Variants in GPATCH8 observed in about 807,000 individuals in gnomAD.
GPATCH8 encodes the protein G patch domain-containing protein 8.
A neutral mutation model predicts 118.3 loss-of-function variants in GPATCH8; 18 were observed. The ratio of observed to expected loss-of-function variants is 0.15; its 90% CI spans 0.11 to 0.23. GPATCH8 has a LOEUF of 0.23. GPATCH8 is among the 10% of genes least tolerant of loss of function. GPATCH8 has a pLI of 1.00. For synonymous variants in GPATCH8, 659 were observed against 684.7 expected (o/e 0.96, Z 0.59); for missense variants, 1,631 against 1,873.8 (o/e 0.87, Z 2.39).
rs2048850171 is a variant in GPATCH8 at position 44,398,170 on chromosome 17, C to G, written c.3907G>C (p.Ala1303Pro). 6.2e-7 allele frequency: 1 copy of G among 1,613,404 alleles called. No homozygotes were observed. The highest frequency in any genetic ancestry group is 8.5e-7 in the Non-Finnish European group (1 of 1,179,448). Residue 1303 changes from alanine to proline, a missense_variant, in exon 8 of 8, where the codon GCC (alanine) becomes CCC (proline). By Grantham distance (27) the Ala-to-Pro change is conservative. This residue lies in a region of GPATCH8 where 922 missense variants were observed against 879.7 expected (regional missense o/e 1.05). Coordinates refer to ENST00000591680, the MANE Select transcript of GPATCH8 (RefSeq NM_001002909.4). ...GTGATGGGCTGGCTTTCCAGGGGGGCCAGTGAAGCATCCTCAGCCCCATCT... is the reference window on the plus strand; with the variant it reads ...GTGATGGGCTGGCTTTCCAGGGGGGGCAGTGAAGCATCCTCAGCCCCATCT... ...STDGAEDASL[A>P]PLESQPITFT...
Position 44,436,535 on chromosome 17 carries a change from A to G in GPATCH8, c.204T>C (p.Asp68=). ...GLGKSLQGRT[D]PIPIVVKYDV... is the part of the protein sequence containing the mutation. Reference sequence around the variant, plus strand: ...CATACTTGACAACGATTGGAATGGGATCTGTTCTCCCTGTAACAGGAACAC... The same window carrying G: ...CATACTTGACAACGATTGGAATGGGGTCTGTTCTCCCTGTAACAGGAACAC... Residue 68 remains aspartate (D), a synonymous_variant, in exon 4 of 8, where the codon GAT becomes GAC. Coordinates refer to ENST00000591680, the MANE Select transcript of GPATCH8 (RefSeq NM_001002909.4). 6.7e-7 allele frequency: 1 copy of G among 1,487,978 alleles called. No individual in the cohort carries two copies. Among genetic ancestry groups the G allele is most frequent in the Non-Finnish European group, 9.4e-7 (1 of 1,064,650 alleles). The allele number at this position is 1,487,978 out of a possible 1,614,324, so 92.2% of individuals were successfully genotyped here.
chr17:44,483,822 GTTT>G (rs147675276), intron 1 of GPATCH8, among the ~76,000 whole-genome samples: 1 of 122,200 alleles, frequency 8.2e-6, no homozygotes, highest in Non-Finnish European at 1.8e-5. Flanking sequence ...TTGTTTGGTT[GTTT>G]TTGTTGTTGT....
Position 44,395,440 on chromosome 17 carries a change from A to T in GPATCH8, c.*2128T>A. 1 of 454,400 alleles carries T rather than the reference A, an allele frequency of 2.2e-6. No homozygotes were observed. The highest frequency in any genetic ancestry group is 1.6e-5 in the South Asian group (1 of 64,446). 28.1% of individuals were successfully genotyped at this position (454,400 alleles called of 1,614,324 possible). On this transcript the variant is annotated 3_prime_UTR_variant, in exon 8 of 8. Transcript: ENST00000591680. ...AATCACTATTCTGGAAGTTAAAGAA[A>T]ATGCCCCTAGGAAGGCAAAGAGGCA...
chr17:44,425,932 A>T (rs1315478959), intron 5 of GPATCH8, among the ~76,000 whole-genome samples: 1 of 152,198 alleles, frequency 6.6e-6, no homozygotes, highest in Non-Finnish European at 1.5e-5. Flanking sequence ...ATTATGAATT[A>T]AAAAAACCCC....
At chr17:44,480,584 G>A (rs1968146575) in intron 1 of GPATCH8, among the ~76,000 whole-genome samples, 2 of 152,130 alleles carry the variant, frequency 1.3e-5, no homozygotes, top group South Asian at 4.1e-4. Context: ...GCCAGGCGTG[G>A]TGGCTCATGC....
intron 5 of GPATCH8, among the ~76,000 whole-genome samples, chr17:44,429,073 G>A (rs1347063101): frequency 4.6e-5 from 7 of 152,012 alleles, no homozygotes; most frequent in African/African-American, 7.2e-5. Flanking sequence ...CCCGGGAGGC[G>A]GAGCTTGCAG....
At chr17:44,463,200 A>G (rs746005709) in intron 3 of GPATCH8, among the ~76,000 whole-genome samples, 89 of 151,980 alleles carry the variant, frequency 5.9e-4, no homozygotes, top group Non-Finnish European at 1.0e-3. Context: ...GATTACAGAC[A>G]TGAGCCACTG....
At chr17:44,466,079 G>A (rs1019106815) in intron 2 of GPATCH8, 1 of 152,132 alleles carries the variant, frequency 6.6e-6, no homozygotes, top group African/African-American at 2.4e-5. Context: ...GTACAGTGGT[G>A]CAATTATAGC....
intron 6 of GPATCH8, among the ~76,000 whole-genome samples, chr17:44,414,157 GTGTA>G (rs1395487961): frequency 9.7e-5 from 3 of 30,866 alleles, no homozygotes; most frequent in East Asian, 7.8e-4. Context: ...ATATATATAT[GTGTA>G]TATATATATA....
rs749552610 is a variant in GPATCH8 at position 44,401,213 on chromosome 17, C to T, written c.864G>A (p.Lys288=). ...TTTGCAATGGGGTCCCCAGATTATT[C>T]TTAATGCCAAAGCTGATGCCTTGGG... ...LASQGISFGI[K]NNLGTPLQKL... The change falls in exon 8 of 8, where the codon AAG becomes AAA. Residue 288 remains lysine (K), a synonymous_variant. Coordinates refer to ENST00000591680, the MANE Select transcript of GPATCH8 (RefSeq NM_001002909.4). 5.6e-6 allele frequency: 9 copies of T among 1,614,012 alleles called. No individual in the cohort carries two copies. The African/African-American group carries it at 1.1e-4, about 19-fold the overall frequency.
At chr17:44,474,149 CTG>C (rs966122690) in intron 2 of GPATCH8, among the ~76,000 whole-genome samples, 5 of 152,086 alleles carry the variant, frequency 3.3e-5, no homozygotes, top group African/African-American at 9.7e-5. Flanking sequence ...TAACAATAGA[CTG>C]TGTTATTTAA....
At chr17:44,485,006 G>T (rs1284850877) in intron 1 of GPATCH8, among the ~76,000 whole-genome samples, 1 of 151,534 alleles carries the variant, frequency 6.6e-6, no homozygotes, top group Admixed American at 6.6e-5. Context: ...TTAGAGACTG[G>T]GTTCCATCAT....
chr17:44,470,900 A>G (rs1166113791), intron 2 of GPATCH8, among the ~76,000 whole-genome samples: 2 of 152,256 alleles, frequency 1.3e-5, no homozygotes, highest in Non-Finnish European at 2.9e-5. Flanking sequence ...AGACGGAGCT[A>G]TGGCTTTAGA....
At chr17:44,433,382 T>C (rs1301528330) in intron 5 of GPATCH8, among the ~76,000 whole-genome samples, 1 of 152,234 alleles carries the variant, frequency 6.6e-6, no homozygotes, top group East Asian at 1.9e-4. Context: ...CTGTGCTGGA[T>C]GCAGGATATA....
intron 6 of GPATCH8, among the ~76,000 whole-genome samples, chr17:44,411,642 C>G (rs1307166385): frequency 1.3e-5 from 2 of 152,132 alleles, no homozygotes; most frequent in East Asian, 1.9e-4. Flanking sequence ...GAAGAGAAAA[C>G]TTGATTTTGT....
chr17:44,486,420 T>G (rs1217942157), intron 1 of GPATCH8: 5 of 152,198 alleles, frequency 3.3e-5, no homozygotes, highest in African/African-American at 7.2e-5. Flanking sequence ...TTAAGGGCAT[T>G]TTTTTGTAAA....
chr17:44,470,844 C>T lies in GPATCH8; in HGVS notation c.120+3985G>A, dbSNP rs116348864. ...AACTATGATAAAGGTCATAAAGGAC[C>T]GTGTATCCTAAAAAACACCAATTAA... On this transcript the variant is annotated intron_variant, in intron 2 of 7. Coordinates refer to ENST00000591680, the MANE Select transcript of GPATCH8 (RefSeq NM_001002909.4). Among the ~76,000 whole-genome samples the T allele has an allele frequency of 8.8e-3, 1,338 of 152,278 alleles. 23 individuals carry two copies. The highest frequency in any genetic ancestry group is 0.031 in the African/African-American group (1,272 of 41,556).
At chr17:44,479,767 G>C (rs1046872272) in intron 1 of GPATCH8, among the ~76,000 whole-genome samples, 2 of 152,062 alleles carry the variant, frequency 1.3e-5, no homozygotes, top group African/African-American at 4.8e-5. Flanking sequence ...AGGAGTTCGA[G>C]ACCAGCCTGA....
intron 1 of GPATCH8, among the ~76,000 whole-genome samples, chr17:44,502,987 T>C (rs897870156): frequency 1.3e-5 from 2 of 152,192 alleles, no homozygotes; most frequent in Non-Finnish European, 2.9e-5. Context: ...ACCACCCCTC[T>C]TGTCCCCTGG....
Sources: gnomAD v4.1 joint callset for allele counts (sites outside exome capture counted in the v4.1 genomes callset) on GRCh38, gnomAD v4.1.1 for gene constraint, gnomAD v4.1.1 regional missense constraint, MANE v1.5 for transcripts, NCBI Gene and HGNC (gene_info 2026-07-23, HGNC 2026-07-21) for gene names.